Variants in TKT observed in about 807,000 individuals in gnomAD.
The protein encoded by TKT is transketolase.
TKT carries 47 observed loss-of-function variants against 63.9 expected under a neutral mutation model. The ratio of observed to expected loss-of-function variants is 0.74; its 90% confidence interval spans 0.58 to 0.94. TKT has a LOEUF of 0.94. Ranked by LOEUF, TKT falls within the 40% of genes least tolerant of loss-of-function variation. The probability of loss-of-function intolerance (pLI) is 0.00; values close to 1 mark genes in which losing one functional copy is unlikely to be tolerated. For missense variants in TKT, 721 were observed against 846.2 expected (o/e 0.85, Z 1.84); for synonymous variants, 338 against 334.1 (o/e 1.01, Z -0.13).
At chr3:53,233,419 T>G (rs1264724481) in intron 5 of TKT, 145 bp from the exon 6 acceptor site, 2 of 522,954 alleles carry the variant, frequency 3.8e-6, no homozygotes, top group Non-Finnish European at 6.6e-6. Context: ...GTAGAAAGCT[T>G]GCAACATTCC....
intron 4 of TKT, chr3:53,238,050 C>T (rs919678355): frequency 2.6e-5 from 4 of 152,254 alleles, no homozygotes; most frequent in East Asian, 1.9e-4. Flanking sequence ...ACGCTACCTC[C>T]GGGTGCCTGG....
rs782279766 is a variant in TKT, at chr3:53,230,410, A to T, written c.1107+47T>A. Reference sequence around the variant, plus strand: ...GGCTGCCCCGCACCCCTCAGACCACAGCCCTCAGCCTTGGGTGGACCTGTC... The same window carrying T: ...GGCTGCCCCGCACCCCTCAGACCACTGCCCTCAGCCTTGGGTGGACCTGTC... On this transcript the variant is annotated intron_variant, in intron 8 of 13. Coordinates refer to ENST00000462138, the MANE Select transcript of TKT (RefSeq NM_001064.4). 3.7e-6 allele frequency: 6 copies of T among 1,612,272 alleles called. No homozygotes were observed. In the South Asian group the frequency reaches 5.5e-5, roughly 15 times the overall value.
chr3:53,225,913 A>G lies in TKT; in HGVS notation c.1715T>C (p.Val572Ala), dbSNP rs1704479469. 2.5e-6 allele frequency: 4 copies of G among 1,611,302 alleles called. No homozygotes were observed. Among genetic ancestry groups the G allele is most frequent in the Non-Finnish European group, 3.4e-6 (4 of 1,178,736 alleles). ...AGGCTCGCCCACTACTGCACTGGAC[A>G]CAGCCTCACCAATGCCACCTAGAAA... Reference protein sequence around the residue: ...HYYEGGIGEAVSSAVVGEPGI... With the variant: ...HYYEGGIGEAASSAVVGEPGI... Residue 572 changes from valine (V) to alanine (A), a missense_variant, in exon 14 of 14, where the codon GTG (valine) becomes GCG (alanine). Val to Ala is a moderately conservative substitution (Grantham distance 64). Transcript: ENST00000462138.
At chr3:53,249,936 A>T (rs62256003) in intron 1 of TKT, among the ~76,000 whole-genome samples, 28,049 of 152,200 alleles carry the variant, frequency 0.18, 2,877 homozygotes, top group Middle Eastern at 0.28. Context: ...CAAGCCTGCC[A>T]CAAGAGACAA....
rs141986154 is a variant in TKT, at chr3:53,233,523, G to A, written c.630-249C>T. On this transcript the variant is annotated intron_variant, in intron 5 of 13. Transcript: ENST00000462138. ...GAACAGGTTTTCCTCCTCCTCTTAA[G>A]TAATCCAGAGCTCAGTTCCTTTATT... is the stretch of plus-strand genomic sequence containing the variant. 3.3e-3 allele frequency: 1,302 copies of A among 396,386 alleles called. 5 individuals carry two copies. The highest frequency in any genetic ancestry group is 8.6e-3 in the Middle Eastern group (13 of 1,504). 24.6% of individuals were successfully genotyped at this position (396,386 alleles called of 1,614,324 possible). A position where few individuals can be genotyped will look rare whatever the true frequency, so the allele number is the denominator to read the frequency against.
Position 53,226,803 on chromosome 3 carries a change from C to T in TKT, c.1649G>A (p.Arg550His), listed in dbSNP as rs368723545. 314 of 1,614,014 alleles carry T rather than the reference C, an allele frequency of 1.9e-4. No homozygotes were observed. The Middle Eastern group carries it at 2.0e-3, about 10-fold the overall frequency. ...GGTGAGGATCCTGCCCTTGGTGGCACGAGCGCTGTCGAGAATGAGTTTTCT... is the reference window on the plus strand; with the variant it reads ...GGTGAGGATCCTGCCCTTGGTGGCATGAGCGCTGTCGAGAATGAGTTTTCT... ...LDRKLILDSA[R>H]ATKGRILTVE... Residue 550 changes from arginine to histidine, a missense_variant, in exon 13 of 14, where the codon CGT becomes CAT. Physicochemically the swap from Arg to His is conservative, Grantham distance 29. Coordinates refer to ENST00000462138, the MANE Select transcript of TKT (RefSeq NM_001064.4).
At position 53,250,115 on chromosome 3, in the gene TKT, C is replaced by G. The variant is rs1037124674; in HGVS notation, c.107+5721G>C. On this transcript the variant is annotated intron_variant, in intron 1 of 13. Coordinates refer to ENST00000462138, the MANE Select transcript of TKT (RefSeq NM_001064.4). ...AGGAGAGGTCACTCGGGCAGAGAAC[C>G]AAGCCACCCCAGGGTGGCCAGTGTC... Among the ~76,000 whole-genome samples, 8 of 152,344 alleles carry G rather than the reference C, an allele frequency of 5.3e-5. No individual in the cohort carries two copies. In the South Asian group the frequency reaches 1.5e-3, roughly 28 times the overall value.
chr3:53,252,709 C>A (rs1705810505), intron 1 of TKT, among the ~76,000 whole-genome samples: 1 of 152,150 alleles, frequency 6.6e-6, no homozygotes, highest in South Asian at 2.1e-4. Flanking sequence ...TTTGGAGCAC[C>A]CTACATTTGT....
At chr3:53,255,034 T>C (rs1249085367) in intron 1 of TKT, among the ~76,000 whole-genome samples, 1 of 152,144 alleles carries the variant, frequency 6.6e-6, no homozygotes, top group African/African-American at 2.4e-5. Flanking sequence ...GCGCTCAGCC[T>C]TCTCAGTCTC....
chr3:53,240,240 A>T lies in TKT; in HGVS notation c.437+11T>A. On this transcript the variant is annotated intron_variant, in intron 4 of 13. Transcript: ENST00000462138. ...ACTACCCAGGTTGGGGGTGGGGAGT[A>T]GGTGTGTTACCTGGCCTTGTCGAAG... 6.2e-7 allele frequency: 1 copy of T among 1,608,468 alleles called. No individual in the cohort carries two copies. Among genetic ancestry groups the T allele is most frequent in the Non-Finnish European group, 8.5e-7 (1 of 1,175,762 alleles).
chr3:53,231,596 C>T, intron 6 of TKT, 46 bp from the exon 7 acceptor site: 1 of 1,569,302 alleles, frequency 6.4e-7, no homozygotes. Flanking sequence ...AAGACAGAAG[C>T]TCCCAGAGGG....
chr3:53,233,362 G>C (rs1287671707), intron 5 of TKT, 88 bp from the exon 6 acceptor site: 1 of 1,088,474 alleles, frequency 9.2e-7, no homozygotes, highest in East Asian at 2.8e-5. Context: ...CTTGGCAGCT[G>C]GGGTCTGCCC....
chr3:53,239,671 G>A (rs2106698802), intron 4 of TKT, among the ~76,000 whole-genome samples: 1 of 151,990 alleles, frequency 6.6e-6, no homozygotes, highest in South Asian at 2.1e-4. Context: ...AAATCACCTG[G>A]TGGGCGCTAG....
At chr3:53,226,931 T>C in intron 12 of TKT, 53 bp from the exon 13 acceptor site, 1 of 1,550,888 alleles carries the variant, frequency 6.4e-7, no homozygotes. Flanking sequence ...CACCACTATC[T>C]GCCCTGGTGG....
chr3:53,241,240 A>G lies in TKT; in HGVS notation c.231T>C (p.His77=). 2.5e-6 allele frequency: 4 copies of G among 1,599,956 alleles called. No homozygotes were observed. The highest frequency in any genetic ancestry group is 2.6e-6 in the Non-Finnish European group (3 of 1,175,198). Residue 77 remains histidine (H), a synonymous_variant, in exon 3 of 14, where the codon CAT becomes CAC. Transcript: ENST00000462138. ...AGACCGCGTAGAGGATGGGAGCTGC[A>G]TGGCCCTGCCGGGAGATGGATGGTG... ...HNDRFVLSKG[H]AAPILYAVWA...
chr3:53,233,379 C>T (rs1704863182), intron 5 of TKT, 105 bp from the exon 6 acceptor site: 5 of 763,684 alleles, frequency 6.5e-6, no homozygotes, highest in African/African-American at 1.8e-5. Flanking sequence ...GCCCAGGCTC[C>T]ACCCCACAAC....
At chr3:53,252,689 A>T (rs1705809130) in intron 1 of TKT, among the ~76,000 whole-genome samples, 1 of 152,160 alleles carries the variant, frequency 6.6e-6, no homozygotes, top group African/African-American at 2.4e-5. Context: ...CACACTTGAC[A>T]TTCCACTCTT....
chr3:53,235,345 G>A, intron 4 of TKT, 171 bp from the exon 5 acceptor site: 1 of 566,334 alleles, frequency 1.8e-6, no homozygotes. Flanking sequence ...GGTTCCTGCA[G>A]CCTACCACAA....
chr3:53,230,240 C>A (rs1040185104), intron 8 of TKT, among the ~76,000 whole-genome samples: 1 of 152,270 alleles, frequency 6.6e-6, no homozygotes, highest in Admixed American at 6.5e-5. Flanking sequence ...TCGGCTCCCC[C>A]ATGTGCACAC....
Sources: allele counts gnomAD v4.1 joint callset (sites outside exome capture counted in the v4.1 genomes callset), GRCh38; gene constraint gnomAD v4.1.1; transcripts MANE v1.5; gene names NCBI Gene and HGNC (gene_info 2026-07-23, HGNC 2026-07-21).